ALOX5: variants seen among roughly 807,000 people sequenced by gnomAD.
ALOX5 encodes polyunsaturated fatty acid 5-lipoxygenase.
In ALOX5, 64 loss-of-function variants were observed where a neutral mutation model predicts 87.9. The observed-to-expected ratio is 0.73, with a 90% CI of 0.60 to 0.90. The LOEUF is 0.90. Among genes scored for constraint, ALOX5 ranks in the 40% least tolerant of loss-of-function variants. The pLI is 0.00. For synonymous variants in ALOX5, 388 were observed against 355.1 expected, an observed-to-expected ratio of 1.09 and a Z score of -1.04; for missense variants, 822 against 907.5, an observed-to-expected ratio of 0.91 and a Z score of 1.21.
At chr10:45,423,303 T>G (rs889726497) in intron 4 of ALOX5, among the ~76,000 whole-genome samples, 4 of 152,214 alleles carry the variant, frequency 2.6e-5, no homozygotes, top group South Asian at 4.1e-4. Context: ...TCTCAGTCTT[T>G]TGTGTGCCAG....
intron 2 of ALOX5, among the ~76,000 whole-genome samples, chr10:45,392,183 G>A (rs900795998): frequency 6.6e-6 from 1 of 152,200 alleles, no homozygotes; most frequent in Admixed American, 6.5e-5. Flanking sequence ...CCCTCTGCCT[G>A]GCCACCACCC....
intron 7 of ALOX5, among the ~76,000 whole-genome samples, chr10:45,433,252 A>C (rs1254010223): frequency 1.3e-5 from 2 of 152,092 alleles, no homozygotes; most frequent in African/African-American, 4.8e-5. Context: ...CCAAGGTCAG[A>C]GCTTCGGCCA....
intron 4 of ALOX5, among the ~76,000 whole-genome samples, chr10:45,416,536 A>C (rs1841294518): frequency 6.6e-6 from 1 of 152,212 alleles, no homozygotes; most frequent in South Asian, 2.1e-4. Flanking sequence ...CCAGGATGGG[A>C]CAGGCAGGAC....
intron 12 of ALOX5, 98 bp from the exon 13 acceptor site, chr10:45,444,018 C>T: frequency 6.9e-7 from 1 of 1,452,046 alleles, no homozygotes; most frequent in South Asian, 1.4e-5. Flanking sequence ...ACTGCAGGGC[C>T]CGCTGGAGTT....
chr10:45,398,144 GAT>G (rs1363567207), intron 3 of ALOX5, among the ~76,000 whole-genome samples: 1 of 152,182 alleles, frequency 6.6e-6, no homozygotes, highest in African/African-American at 2.4e-5. Flanking sequence ...CATAAGGATA[GAT>G]ATATAGATCA....
intron 4 of ALOX5, among the ~76,000 whole-genome samples, chr10:45,415,394 T>C (rs922560965): frequency 6.6e-6 from 1 of 151,912 alleles, no homozygotes; most frequent in African/African-American, 2.4e-5. Context: ...ATGAGAACAC[T>C]TGGACACAGG....
chr10:45,439,311 C>T (rs1444931634), intron 7 of ALOX5, among the ~76,000 whole-genome samples: 1 of 152,128 alleles, frequency 6.6e-6, no homozygotes, highest in Non-Finnish European at 1.5e-5. Context: ...TAGCAAGTGA[C>T]ACAGCTGTGT....
At chr10:45,383,221 C>T (rs1266609222) in intron 2 of ALOX5, among the ~76,000 whole-genome samples, 1 of 152,270 alleles carries the variant, frequency 6.6e-6, no homozygotes, top group Non-Finnish European at 1.5e-5. Flanking sequence ...CCCGAAGTCT[C>T]ACCTTTCGCT....
At chr10:45,440,943 C>G (rs1383110721) in intron 8 of ALOX5, among the ~76,000 whole-genome samples, 1 of 152,216 alleles carries the variant, frequency 6.6e-6, no homozygotes, top group Non-Finnish European at 1.5e-5. Context: ...TGCCATCACT[C>G]TCCGTCCCTG....
intron 6 of ALOX5, among the ~76,000 whole-genome samples, chr10:45,426,720 A>G (rs941895036): frequency 6.3e-4 from 96 of 152,334 alleles, no homozygotes; most frequent in Middle Eastern, 3.4e-3. Flanking sequence ...GTAAAAAGCA[A>G]TGCTAACTCA....
chr10:45,380,466 A>T (rs1839786387), intron 1 of ALOX5, among the ~76,000 whole-genome samples: 1 of 152,176 alleles, frequency 6.6e-6, no homozygotes, highest in Non-Finnish European at 1.5e-5. Context: ...TCAAGTTCCC[A>T]TTCCTCTTAG....
chr10:45,375,248 C>T (rs1440552833), intron 1 of ALOX5, among the ~76,000 whole-genome samples: 1 of 152,184 alleles, frequency 6.6e-6, no homozygotes, highest in African/African-American at 2.4e-5. Flanking sequence ...CGCGAGGGAG[C>T]CCTCAGCATT....
At position 45,386,073 on chromosome 10, in the gene ALOX5, G is replaced by C. The variant is rs193043982; in HGVS notation, c.349+3392G>C. ...TTGAAAATTAGCTAGGGGCCGAGGC[G>C]GGTGGATCACAAGGTCAGGAGATCG... On this transcript the variant is annotated intron_variant, in intron 2 of 13. Coordinates refer to ENST00000374391, the MANE Select transcript of ALOX5 (RefSeq NM_000698.5). Among the ~76,000 whole-genome samples, 3 of 152,126 alleles carry C rather than the reference G, an allele frequency of 2.0e-5. No individual in the cohort carries two copies. In the South Asian group the frequency reaches 6.2e-4, roughly 32 times the overall value.
intron 9 of ALOX5, chr10:45,442,774 G>C: frequency 4.4e-6 from 2 of 458,502 alleles, no homozygotes; most frequent in Non-Finnish European, 3.8e-6. Flanking sequence ...CTGTGGCTGG[G>C]AGCGCACCCT....
At chr10:45,442,399 A>G (rs1312919275) in intron 9 of ALOX5, among the ~76,000 whole-genome samples, 1 of 152,120 alleles carries the variant, frequency 6.6e-6, no homozygotes, top group East Asian at 1.9e-4. Context: ...CCGTGGACCA[A>G]TCTCTGGCAC....
At chr10:45,392,524 G>A (rs1840323868) in intron 2 of ALOX5, among the ~76,000 whole-genome samples, 4 of 151,740 alleles carry the variant, frequency 2.6e-5, no homozygotes, top group African/African-American at 9.7e-5. Context: ...CTCCTTAAGA[G>A]TCATCACCAC....
At chr10:45,418,467 G>T (rs1213005177) in intron 4 of ALOX5, among the ~76,000 whole-genome samples, 1 of 152,188 alleles carries the variant, frequency 6.6e-6, no homozygotes, top group Non-Finnish European at 1.5e-5. Context: ...CTCCATTCTT[G>T]GTTCAGGCCC....
At chr10:45,381,836 G>A (rs1839842313) in intron 1 of ALOX5, among the ~76,000 whole-genome samples, 1 of 152,224 alleles carries the variant, frequency 6.6e-6, no homozygotes, top group Non-Finnish European at 1.5e-5. Flanking sequence ...TCAGGGGCAG[G>A]CCTTCAGTGA....
At chr10:45,439,236 T>C (rs1045820310) in intron 7 of ALOX5, among the ~76,000 whole-genome samples, 1 of 152,220 alleles carries the variant, frequency 6.6e-6, no homozygotes, top group African/African-American at 2.4e-5. Context: ...TAGCATTATA[T>C]GTCTATTGGA....
Sources: gnomAD v4.1 joint callset for allele counts (sites outside exome capture counted in the v4.1 genomes callset) on GRCh38, gnomAD v4.1.1 for gene constraint, MANE v1.5 for transcripts, NCBI Gene and HGNC (gene_info 2026-07-23, HGNC 2026-07-21) for gene names.